HHIP: variants seen among roughly 807,000 people sequenced by gnomAD.
HHIP encodes the protein hedgehog interacting protein, also known as hedgehog-interacting protein.
A neutral mutation model predicts 74.0 loss-of-function variants in HHIP; 12 were observed. The observed-to-expected ratio is 0.16, with a 90% CI of 0.10 to 0.26. The LOEUF is 0.26. Ranked by LOEUF, HHIP falls within the 10% of genes least tolerant of loss-of-function variation. The probability of loss-of-function intolerance (pLI) is 1.00; values close to 1 mark genes in which losing one functional copy is unlikely to be tolerated. For synonymous variants in HHIP, 309 were observed against 311.6 expected, an observed-to-expected ratio of 0.99 and a Z score of 0.09; for missense variants, 788 against 845.0, an observed-to-expected ratio of 0.93 and a Z score of 0.84.
chr4:144,709,581 A>G (rs1730233260), intron 7 of HHIP, among the ~76,000 whole-genome samples: 1 of 152,170 alleles, frequency 6.6e-6, no homozygotes, highest in African/African-American at 2.4e-5. Flanking sequence ...CCTCCCTCCA[A>G]AAGTATTCTA....
intron 2 of HHIP, among the ~76,000 whole-genome samples, chr4:144,657,212 T>C (rs1340299471): frequency 6.6e-6 from 1 of 152,168 alleles, no homozygotes; most frequent in African/African-American, 2.4e-5. Flanking sequence ...CATTCTAAGA[T>C]AAGTTTTAGG....
chr4:144,738,325 A>C lies in HHIP; in HGVS notation c.*368A>C. 1.0e-6 allele frequency: 1 copy of C among 982,718 alleles called. No homozygotes were observed. The highest frequency in any genetic ancestry group is 1.2e-6 in the Non-Finnish European group (1 of 826,606). The allele number at this position is 982,718 out of a possible 1,614,324, so 60.9% of individuals were successfully genotyped here. On this transcript the variant is annotated 3_prime_UTR_variant, in exon 13 of 13. Coordinates refer to ENST00000296575, the MANE Select transcript of HHIP (RefSeq NM_022475.3). Reference sequence around the variant, plus strand: ...TTTCTGTCTGTAATCACTAAAGTCAACTTTAATAGAGTTTTGAAACAGTAC... The same window carrying C: ...TTTCTGTCTGTAATCACTAAAGTCACCTTTAATAGAGTTTTGAAACAGTAC...
intron 4 of HHIP, among the ~76,000 whole-genome samples, chr4:144,664,765 T>A (rs999840148): frequency 1.3e-5 from 2 of 152,188 alleles, no homozygotes; most frequent in Non-Finnish European, 2.9e-5. Context: ...ACAGATTATA[T>A]TTGTTAAATA....
Position 144,742,529 on chromosome 4 carries a change from A to G in HHIP, c.*4572A>G, listed in dbSNP as rs1243020558. ...GAATAATTTTAAGAAAATTATTCCA[A>G]ATCTGTGAGGAAAAAATAAGAAGCA... On this transcript the variant is annotated 3_prime_UTR_variant, in exon 13 of 13. Coordinates refer to ENST00000296575, the MANE Select transcript of HHIP (RefSeq NM_022475.3). 6.6e-6 allele frequency: 1 copy of G among 151,978 alleles called. No individual in the cohort carries two copies. The highest frequency in any genetic ancestry group is 1.5e-5 in the Non-Finnish European group (1 of 67,972). 9.4% of individuals were successfully genotyped at this position (151,978 alleles called of 1,614,324 possible).
At chr4:144,648,907 C>A (rs1728344337) in intron 1 of HHIP, among the ~76,000 whole-genome samples, 1 of 152,148 alleles carries the variant, frequency 6.6e-6, no homozygotes, top group Non-Finnish European at 1.5e-5. Context: ...CTTCCAATCT[C>A]CAACAAACCC....
chr4:144,699,614 C>T (rs1224303923), intron 4 of HHIP, among the ~76,000 whole-genome samples: 1 of 152,084 alleles, frequency 6.6e-6, no homozygotes, highest in Non-Finnish European at 1.5e-5. Flanking sequence ...TAAAAGCCCA[C>T]CAAAGTCAGC....
intron 4 of HHIP, among the ~76,000 whole-genome samples, chr4:144,677,690 G>A (rs189917674): frequency 1.1e-3 from 164 of 152,294 alleles, no homozygotes; most frequent in Non-Finnish European, 3.1e-4. Context: ...AGACCACTCG[G>A]AGCCGGAGTC....
At chr4:144,714,385 A>G (rs759793162) in intron 9 of HHIP, 37 bp downstream of exon 9, 2 of 1,604,642 alleles carry the variant, frequency 1.2e-6, no homozygotes, top group Admixed American at 3.4e-5. Flanking sequence ...TGATATACCA[A>G]ATGACATATC....
intron 1 of HHIP, 77 bp downstream of exon 1, chr4:144,647,031 G>A (rs1728284073): frequency 4.4e-6 from 6 of 1,369,262 alleles, no homozygotes; most frequent in Admixed American, 2.3e-5. Flanking sequence ...TGGCAAAGCC[G>A]GTGGTTGTAA....
At position 144,646,965 on chromosome 4, in the gene HHIP, A is replaced by G. The variant is rs375781497; in HGVS notation, c.279+11A>G. 1.1e-5 allele frequency: 17 copies of G among 1,584,168 alleles called. No individual in the cohort carries two copies. In the Admixed American group the frequency reaches 2.3e-4, roughly 21 times the overall value. On this transcript the variant is annotated intron_variant, in intron 1 of 12. Transcript: ENST00000296575. ...CGCCTGGAGAATAAGGTAGGCACTC[A>G]CCGGCTTCACGGATGCGTACTTGGC...
intron 2 of HHIP, among the ~76,000 whole-genome samples, chr4:144,656,902 C>A (rs1265967572): frequency 6.6e-6 from 1 of 151,998 alleles, no homozygotes; most frequent in Non-Finnish European, 1.5e-5. Context: ...TGCTTCTAAT[C>A]CTTGAATTTT....
chr4:144,674,543 G>A (rs940905253), intron 4 of HHIP, among the ~76,000 whole-genome samples: 3 of 151,920 alleles, frequency 2.0e-5, no homozygotes, highest in Non-Finnish European at 2.9e-5. Context: ...ACTAACTTTT[G>A]GTAAATGTAT....
At chr4:144,728,330 A>G (rs1429518741) in intron 11 of HHIP, among the ~76,000 whole-genome samples, 1 of 152,180 alleles carries the variant, frequency 6.6e-6, no homozygotes, top group East Asian at 1.9e-4. Context: ...AAATGAAGAA[A>G]ATATTAGTCG....
intron 1 of HHIP, among the ~76,000 whole-genome samples, chr4:144,651,569 T>A (rs1279094338): frequency 6.6e-6 from 1 of 152,036 alleles, no homozygotes; most frequent in Non-Finnish European, 1.5e-5. Context: ...AGTAATAAAG[T>A]ATAAATATAG....
chr4:144,737,890 C>A lies in HHIP; in HGVS notation c.2036C>A (p.Ala679Glu). 1 of 1,613,628 alleles carries A rather than the reference C, an allele frequency of 6.2e-7. No individual in the cohort carries two copies. The highest frequency in any genetic ancestry group is 8.5e-7 in the Non-Finnish European group (1 of 1,179,702). Residue 679 changes from alanine to glutamate, a missense_variant, in exon 13 of 13, where the codon GCA (alanine) becomes GAA (glutamate). Coordinates refer to ENST00000296575, the MANE Select transcript of HHIP (RefSeq NM_022475.3). ...VDRNIRRVTR[A>E]GILDQIIDMT... ...AGAAACATCCGCAGAGTGACCAGGG[C>A]AGGTATTCTTGATCAGATCATTGAC... is the stretch of plus-strand genomic sequence containing the variant.
intron 2 of HHIP, among the ~76,000 whole-genome samples, chr4:144,653,163 C>G (rs1457163313): frequency 6.6e-6 from 1 of 152,116 alleles, no homozygotes; most frequent in Non-Finnish European, 1.5e-5. Flanking sequence ...GTGTCTTCTT[C>G]TACATAGCTG....
intron 12 of HHIP, among the ~76,000 whole-genome samples, chr4:144,735,788 A>G (rs920447843): frequency 1.9e-4 from 29 of 152,198 alleles, no homozygotes; most frequent in Admixed American, 1.8e-3. Flanking sequence ...AATTATAACT[A>G]TAACTTGTCT....
chr4:144,681,157 C>T (rs1302381001), intron 4 of HHIP, among the ~76,000 whole-genome samples: 1 of 152,058 alleles, frequency 6.6e-6, no homozygotes, highest in East Asian at 1.9e-4. Flanking sequence ...CCATCTTTCA[C>T]TTTTCTTTAT....
Position 144,699,032 on chromosome 4 carries a change from C to G in HHIP, c.832-7499C>G, listed in dbSNP as rs28563870. Among the ~76,000 whole-genome samples the G allele has an allele frequency of 3.1e-3, 471 of 152,254 alleles. 4 individuals are homozygous for G. Among genetic ancestry groups the G allele is most frequent in the African/African-American group, 8.8e-3 (364 of 41,562 alleles). On this transcript the variant is annotated intron_variant, in intron 4 of 12. Transcript: ENST00000296575. ...TTACTCTCACACCCACCAGTCCTCC[C>G]ACACCAATTGTGCGTCCAACAATTT...
Sources: gnomAD v4.1 joint callset for allele counts (sites outside exome capture counted in the v4.1 genomes callset) on GRCh38, gnomAD v4.1.1 for gene constraint, MANE v1.5 for transcripts, NCBI Gene and HGNC (gene_info 2026-07-23, HGNC 2026-07-21) for gene names.